The following ARHGEF38 variants were observed in gnomAD, a reference collection of about 807,000 sequenced individuals.
ARHGEF38 encodes Rho guanine nucleotide exchange factor 38.
A neutral mutation model predicts 79.9 loss-of-function variants in ARHGEF38; 79 were observed. The observed-to-expected ratio is 0.99, with a 90% CI of 0.82 to 1.19. ARHGEF38 has a LOEUF of 1.19. ARHGEF38 is among the 50% of genes most tolerant of loss of function. ARHGEF38 has a pLI of 0.00. For missense variants in ARHGEF38, 962 were observed against 907.2 expected (o/e 1.06, Z -0.78); for synonymous variants, 366 against 328.3 (o/e 1.11, Z -1.24).
chr4:105,673,608 A>G (rs1023361281), intron 13 of ARHGEF38, among the ~76,000 whole-genome samples: 1 of 152,140 alleles, frequency 6.6e-6, no homozygotes, highest in Non-Finnish European at 1.5e-5. Context: ...AGTATGAGGT[A>G]AAAAACAGCT....
chr4:105,680,967 T>C (rs1441202334), downstream of ARHGEF38: 1 of 152,156 alleles, frequency 6.6e-6, no homozygotes, highest in African/African-American at 2.4e-5. Context: ...GAGCTGAGTT[T>C]TTATGTCAGG....
At chr4:105,573,356 C>A (rs1465409989) in intron 1 of ARHGEF38, among the ~76,000 whole-genome samples, 2 of 152,116 alleles carry the variant, frequency 1.3e-5, no homozygotes, top group East Asian at 3.9e-4. Flanking sequence ...TTTTCCTTTA[C>A]AAGTTTTATA....
Position 105,613,409 on chromosome 4 carries a change from T to C in ARHGEF38, c.410T>C (p.Leu137Ser). The C allele has an allele frequency of 1.9e-6, 3 of 1,613,352 alleles. No individual in the cohort carries two copies. Among genetic ancestry groups the C allele is most frequent in the South Asian group, 2.2e-5 (2 of 91,006 alleles). The change falls in exon 3 of 14, where the codon TTG (leucine) becomes TCG (serine). Residue 137 changes from leucine to serine, a missense_variant. Physicochemically the swap from Leu to Ser is moderately radical, Grantham distance 145 (BLOSUM62 -2). Transcript: ENST00000420470. ...KKTDRLDVDS[L>S]FSNIESVHQI... ...ACTGATAGGCTGGATGTGGATAGCT[T>C]GTTTAGCAACATTGAGTCCGTGCAT... is the stretch of plus-strand genomic sequence containing the variant.
chr4:105,588,393 A>G (rs1392837611), intron 1 of ARHGEF38, among the ~76,000 whole-genome samples: 1 of 152,232 alleles, frequency 6.6e-6, no homozygotes, highest in Non-Finnish European at 1.5e-5. Context: ...ACACACTCTT[A>G]CATACACAGA....
At chr4:105,594,656 C>G (rs722496) in intron 2 of ARHGEF38, among the ~76,000 whole-genome samples, 37,645 of 152,064 alleles carry the variant, frequency 0.25, 4,962 homozygotes, top group African/African-American at 0.32. Flanking sequence ...TTAACTGAGT[C>G]ACCTTGTATG....
chr4:105,609,100 CT>C (rs1276165899), intron 2 of ARHGEF38, among the ~76,000 whole-genome samples: 11 of 152,174 alleles, frequency 7.2e-5, no homozygotes, highest in African/African-American at 2.6e-4. Context: ...TGTCATGGAG[CT>C]TTTCGCCTGT....
At chr4:105,576,626 G>A (rs1367069653) in intron 1 of ARHGEF38, among the ~76,000 whole-genome samples, 1 of 152,082 alleles carries the variant, frequency 6.6e-6, no homozygotes, top group Non-Finnish European at 1.5e-5. Flanking sequence ...GAGCAGTGAA[G>A]TTTGACTTTC....
rs1578253642 is a variant in ARHGEF38, at chr4:105,561,469, A to AATG, written c.196+8508_196+8509insATG. The AATG allele has an allele frequency of 2.8e-3, 138 of 49,684 alleles. 16 individuals carry two copies. Among genetic ancestry groups the AATG allele is most frequent in the East Asian group, 6.1e-3 (13 of 2,136 alleles). The allele number at this position is 49,684 out of a possible 1,614,324, so 3.1% of individuals were successfully genotyped here. On this transcript the variant is annotated intron_variant, in intron 1 of 13. Transcript: ENST00000420470. ...AGAATGGAATAGAATAGAATAGAAT[A>AATG]GAATAGAATAGAATAGAATAGAATA... is the stretch of plus-strand genomic sequence containing the variant.
chr4:105,597,278 GC>G (rs1246000120), intron 2 of ARHGEF38, among the ~76,000 whole-genome samples: 1 of 152,074 alleles, frequency 6.6e-6, no homozygotes, highest in Non-Finnish European at 1.5e-5. Flanking sequence ...CTAAAATTTT[GC>G]CCACATAACA....
chr4:105,574,733 T>C (rs72967290), intron 1 of ARHGEF38, among the ~76,000 whole-genome samples: 5,220 of 152,180 alleles, frequency 0.034, 311 homozygotes, highest in African/African-American at 0.12. Flanking sequence ...AAAAATTTTT[T>C]ATTTCTATAG....
intron 1 of ARHGEF38, among the ~76,000 whole-genome samples, chr4:105,562,076 A>G (rs566733974): frequency 6.6e-6 from 1 of 152,266 alleles, no homozygotes; most frequent in African/African-American, 2.4e-5. Flanking sequence ...CACTTTTCTC[A>G]TGGTAAATTT....
At chr4:105,573,384 C>T (rs1049986131) in intron 1 of ARHGEF38, among the ~76,000 whole-genome samples, 8 of 152,014 alleles carry the variant, frequency 5.3e-5, no homozygotes, top group Non-Finnish European at 2.9e-5. Flanking sequence ...ATTTCTGATC[C>T]ATTCTGAGTT....
At chr4:105,644,648 A>T (rs1729762137) in intron 5 of ARHGEF38, among the ~76,000 whole-genome samples, 1 of 152,250 alleles carries the variant, frequency 6.6e-6, no homozygotes. Context: ...CTAAAGAATT[A>T]TCACATTTAT....
Position 105,668,012 on chromosome 4 carries a change from C to A in ARHGEF38, c.2148+309C>A, listed in dbSNP as rs537301084. Among the ~76,000 whole-genome samples the A allele has an allele frequency of 7.9e-5, 12 of 152,168 alleles. No individual in the cohort carries two copies. The East Asian group carries it at 1.7e-3, about 22-fold the overall frequency. On this transcript the variant is annotated intron_variant, in intron 13 of 13. Transcript: ENST00000420470. ...ACTTACAGCAAAGTATCTTTTTATA[C>A]CCCCTCCATCAAAGAAAAGTAGTTC...
intron 6 of ARHGEF38, among the ~76,000 whole-genome samples, chr4:105,647,886 C>CTG (rs1729917578): frequency 7.3e-6 from 1 of 137,746 alleles, no homozygotes; most frequent in African/African-American, 2.9e-5. Flanking sequence ...CTTTTCTTTT[C>CTG]TATTTTTTTT....
At chr4:105,566,413 T>A (rs1241463715) in intron 1 of ARHGEF38, among the ~76,000 whole-genome samples, 1 of 152,158 alleles carries the variant, frequency 6.6e-6, no homozygotes, top group African/African-American at 2.4e-5. Context: ...CAGTTTTAAT[T>A]TTTTTATTTT....
intron 1 of ARHGEF38, among the ~76,000 whole-genome samples, chr4:105,571,249 G>T (rs184581865): frequency 6.6e-6 from 1 of 150,464 alleles, no homozygotes; most frequent in African/African-American, 2.4e-5. Flanking sequence ...GGAAAAATTT[G>T]TTATTAAAAT....
intron 2 of ARHGEF38, 116 bp from the exon 3 acceptor site, chr4:105,613,268 C>T: frequency 8.0e-7 from 1 of 1,255,982 alleles, no homozygotes; most frequent in Admixed American, 2.7e-5. Context: ...AGAATGTTAA[C>T]AGAAATGGTT....
intron 3 of ARHGEF38, among the ~76,000 whole-genome samples, chr4:105,628,142 T>C (rs1729030337): frequency 6.6e-6 from 1 of 152,238 alleles, no homozygotes; most frequent in African/African-American, 2.4e-5. Flanking sequence ...TCATTGTGTA[T>C]AAAGATAAGT....
Sources: allele counts gnomAD v4.1 joint callset (sites outside exome capture counted in the v4.1 genomes callset), GRCh38; gene constraint gnomAD v4.1.1; transcripts MANE v1.5; gene names NCBI Gene and HGNC (gene_info 2026-07-23, HGNC 2026-07-21).